The following LRBA variants were observed in gnomAD, a reference collection of about 807,000 sequenced individuals.
LRBA encodes the protein LPS responsive beige-like anchor protein, also known as lipopolysaccharide-responsive and beige-like anchor protein.
A neutral mutation model predicts 330.0 loss-of-function variants in LRBA; 176 were observed. The ratio of observed to expected loss-of-function variants is 0.53; its 90% CI spans 0.47 to 0.60. LRBA has a LOEUF of 0.60. Ranked by LOEUF, LRBA falls within the 20% of genes least tolerant of loss-of-function variation. The pLI, the probability that LRBA is intolerant of heterozygous loss-of-function variation, is 0.00. For missense variants in LRBA, 3,259 were observed against 3,444.8 expected, an observed-to-expected ratio of 0.95 and a Z score of 1.35; for synonymous variants, 1,230 against 1,193.0, an observed-to-expected ratio of 1.03 and a Z score of -0.64.
intron 5 of LRBA, among the ~76,000 whole-genome samples, chr4:150,917,787 T>C (rs1483823771): frequency 6.6e-6 from 1 of 151,568 alleles, no homozygotes; most frequent in African/African-American, 2.4e-5. Flanking sequence ...AAATTAGCCA[T>C]GCGTGGTGGT....
At chr4:151,007,259 T>G (rs1304406837) in intron 2 of LRBA, among the ~76,000 whole-genome samples, 1 of 152,152 alleles carries the variant, frequency 6.6e-6, no homozygotes. Flanking sequence ...CCCAGCACCT[T>G]GGGAGGCCGA....
intron 35 of LRBA, among the ~76,000 whole-genome samples, chr4:150,755,927 T>C (rs1406630187): frequency 6.6e-6 from 1 of 150,730 alleles, no homozygotes; most frequent in Non-Finnish European, 1.5e-5. Context: ...TCAACAGCAG[T>C]CCCAGATACT....
chr4:150,379,699 T>C (rs1167773033), intron 47 of LRBA, among the ~76,000 whole-genome samples: 2 of 152,194 alleles, frequency 1.3e-5, no homozygotes, highest in African/African-American at 4.8e-5. Context: ...GCTATTTTCT[T>C]TGTGAATAAC....
Position 150,906,338 on chromosome 4 carries a change from C to T in LRBA, c.1561G>A (p.Ala521Thr), listed in dbSNP as rs773767948. The stretch of plus-strand genomic sequence containing the variant: ...CCTATTACCAAGAAGCCCTTACAGG[C>T]AAGCATCTGTTCCTGCATAGCAATT... ...NSIAMQEQML[A>T]CKGFLVIGYS... Residue 521 changes from alanine to threonine, a missense_variant, in exon 12 of 57, where the codon GCC (alanine) becomes ACC (threonine). By Grantham distance (58) the Ala-to-Thr change is moderately conservative (BLOSUM62 0). Transcript: ENST00000651943. The T allele has an allele frequency of 1.2e-6, 2 of 1,611,976 alleles. No individual in the cohort carries two copies. Among genetic ancestry groups the T allele is most frequent in the Non-Finnish European group, 1.7e-6 (2 of 1,178,402 alleles).
chr4:150,639,111 C>A, intron 37 of LRBA, among the ~76,000 whole-genome samples: 1 of 145,186 alleles, frequency 6.9e-6, no homozygotes, highest in East Asian at 2.0e-4. Flanking sequence ...GAACAAAAAA[C>A]CAAACACTGC....
At chr4:150,304,049 C>T (rs1486294966) in intron 52 of LRBA, among the ~76,000 whole-genome samples, 4 of 152,120 alleles carry the variant, frequency 2.6e-5, no homozygotes, top group African/African-American at 4.8e-5. Context: ...CAATGTCTAC[C>T]CTTAATATTC....
chr4:150,816,672 CA>C (rs900062030), intron 31 of LRBA, among the ~76,000 whole-genome samples: 9 of 149,538 alleles, frequency 6.0e-5, no homozygotes, highest in African/African-American at 2.2e-4. Context: ...AAAAATATGC[CA>C]AAAAAAACAA....
At chr4:150,639,979 C>A (rs1778512802) in intron 37 of LRBA, among the ~76,000 whole-genome samples, 1 of 148,706 alleles carries the variant, frequency 6.7e-6, no homozygotes, top group Non-Finnish European at 1.5e-5. Context: ...GCCTCAGCCT[C>A]CCAAGTAGCT....
intron 47 of LRBA, among the ~76,000 whole-genome samples, chr4:150,386,463 C>G (rs535433962): frequency 3.6e-5 from 5 of 140,128 alleles, no homozygotes; most frequent in African/African-American, 1.3e-4. Flanking sequence ...TTCCCCTCCC[C>G]CTGTCCATGT....
At chr4:150,632,234 GAAAAA>G (rs33955499) in intron 37 of LRBA, among the ~76,000 whole-genome samples, 1 of 136,966 alleles carries the variant, frequency 7.3e-6, no homozygotes, top group African/African-American at 2.7e-5. Context: ...CTGTCTCAAG[GAAAAA>G]AAAAAAAAAA....
chr4:150,778,937 T>A (rs1175601744), intron 34 of LRBA, among the ~76,000 whole-genome samples: 1 of 152,176 alleles, frequency 6.6e-6, no homozygotes. Flanking sequence ...TAAAACTATA[T>A]AAAACAGCTA....
intron 33 of LRBA, among the ~76,000 whole-genome samples, chr4:150,799,700 G>C (rs1034790634): frequency 6.6e-5 from 10 of 152,082 alleles, no homozygotes; most frequent in African/African-American, 2.4e-4. Flanking sequence ...ATTTATAGGT[G>C]CTCCTTTGTC....
chr4:150,433,285 G>T (rs913634420), intron 46 of LRBA, among the ~76,000 whole-genome samples: 10 of 151,962 alleles, frequency 6.6e-5, no homozygotes, highest in Middle Eastern at 6.8e-3. Context: ...TACAGGTAGG[G>T]TATTTTAAAG....
At chr4:150,344,107 T>C (rs1735949935) in intron 48 of LRBA, among the ~76,000 whole-genome samples, 1 of 152,204 alleles carries the variant, frequency 6.6e-6, no homozygotes, top group Non-Finnish European at 1.5e-5. Context: ...GCTTCCCTCC[T>C]TTTGGATCTT....
In LRBA at chr4:150,332,090, C is replaced by T. The variant is rs955496130; in HGVS notation, c.7363-6192G>A. Reference sequence around the variant, plus strand: ...ATTATTACAGCATATATATTAAAGACTTAACACAGTGCCTGGCTAGGGTTA... The same window carrying T: ...ATTATTACAGCATATATATTAAAGATTTAACACAGTGCCTGGCTAGGGTTA... On this transcript the variant is annotated intron_variant, in intron 48 of 56. Transcript: ENST00000651943. Among the ~76,000 whole-genome samples, 3 of 152,116 alleles carry T rather than the reference C, an allele frequency of 2.0e-5. No homozygotes were observed. The South Asian group carries it at 6.2e-4, about 32-fold the overall frequency.
At position 150,590,771 on chromosome 4, in the gene LRBA, C is replaced by T. The variant is rs2126458391; in HGVS notation, c.6135G>A (p.Leu2045=). The change falls in exon 39 of 57, where the codon CTG becomes CTA. Residue 2045 remains leucine (L), a synonymous_variant. Transcript: ENST00000651943. The stretch of plus-strand genomic sequence containing the variant: ...ATGACAGAGTATCATCATCGCCTTC[C>T]AGGAGGATCTCGTTTTCTGAGTTCT... The part of the protein sequence containing the change: ...GNQNSENEIL[L]EGDDDTLSSV... 6.2e-7 allele frequency: 1 copy of T among 1,614,036 alleles called. No homozygotes were observed. The highest frequency in any genetic ancestry group is 8.5e-7 in the Non-Finnish European group (1 of 1,179,930).
intron 9 of LRBA, among the ~76,000 whole-genome samples, chr4:150,912,611 G>GC (rs1458197209): frequency 6.6e-6 from 1 of 152,022 alleles, no homozygotes; most frequent in Non-Finnish European, 1.5e-5. Flanking sequence ...TCCCTGCTGC[G>GC]CCCCCACCAC....
In LRBA at chr4:150,265,438, A is replaced by G. The variant is rs772020015; in HGVS notation, c.*284T>C. On this transcript the variant is annotated 3_prime_UTR_variant, in exon 57 of 57. Transcript: ENST00000651943. ...ATATTATAGCTGGAATAAGTGGTTT[A>G]CTTGCTCCACTGTATGTTTCCATAA... is the stretch of plus-strand genomic sequence containing the variant. 1 of 258,286 alleles carries G rather than the reference A, an allele frequency of 3.9e-6. No homozygotes were observed. The highest frequency in any genetic ancestry group is 6.1e-5 in the South Asian group (1 of 16,308). 16.0% of individuals were successfully genotyped at this position (258,286 alleles called of 1,614,324 possible).
intron 17 of LRBA, among the ~76,000 whole-genome samples, chr4:150,879,733 T>C (rs747391291): frequency 1.3e-5 from 2 of 152,146 alleles, no homozygotes; most frequent in Non-Finnish European, 2.9e-5. Context: ...TTCAAGTTCA[T>C]ATCCAAATCA....
Sources: gnomAD v4.1 joint callset for allele counts (sites outside exome capture counted in the v4.1 genomes callset) on GRCh38, gnomAD v4.1.1 for gene constraint, MANE v1.5 for transcripts, NCBI Gene and HGNC (gene_info 2026-07-23, HGNC 2026-07-21) for gene names.